Variants in NEK1 observed in about 807,000 individuals in gnomAD.
The protein encoded by NEK1 is NIMA related kinase 1.
Under a neutral mutation model 182.1 loss-of-function variants are expected in NEK1, and 137 were observed. That is an observed-to-expected ratio of 0.75 (90% CI 0.65 to 0.87). The LOEUF (loss-of-function observed/expected upper bound fraction) is 0.87, where lower values mean the gene tolerates loss of function less well. Among genes scored for constraint, NEK1 ranks in the 40% least tolerant of loss-of-function variants. NEK1 has a pLI of 0.00. For missense variants in NEK1, 1,391 were observed against 1,494.4 expected (o/e 0.93, Z 1.14); for synonymous variants, 513 against 492.2 (o/e 1.04, Z -0.56).
chr4:169,438,881 T>G (rs1180875457), intron 27 of NEK1, among the ~76,000 whole-genome samples: 1 of 152,188 alleles, frequency 6.6e-6, no homozygotes, highest in Non-Finnish European at 1.5e-5. Flanking sequence ...TCATCCTATC[T>G]CCAGCACTCC....
intron 27 of NEK1, among the ~76,000 whole-genome samples, chr4:169,442,003 G>C (rs1277328898): frequency 6.6e-6 from 1 of 152,030 alleles, no homozygotes; most frequent in Non-Finnish European, 1.5e-5. Context: ...CTGCACTAAA[G>C]GCCTGGAGAC....
At chr4:169,447,761 C>T (rs546908496) in intron 27 of NEK1, among the ~76,000 whole-genome samples, 21 of 151,760 alleles carry the variant, frequency 1.4e-4, no homozygotes, top group African/African-American at 4.8e-4. Context: ...CCAGACTAGT[C>T]GGGAGGCTGA....
At chr4:169,453,443 A>C (rs540147486) in intron 27 of NEK1, among the ~76,000 whole-genome samples, 18 of 152,358 alleles carry the variant, frequency 1.2e-4, no homozygotes, top group Admixed American at 3.9e-4. Flanking sequence ...GCCCCCCAAA[A>C]TCTGGCCATA....
chr4:169,590,662 C>T, intron 6 of NEK1, 64 bp downstream of exon 6: 2 of 1,256,068 alleles, frequency 1.6e-6, no homozygotes, highest in South Asian at 1.4e-5. Context: ...AAATTTTTGG[C>T]CCAAAACAAT....
At chr4:169,584,235 TA>T (rs11293278) in intron 10 of NEK1, among the ~76,000 whole-genome samples, 4,645 of 152,238 alleles carry the variant, frequency 0.031, 186 homozygotes, top group African/African-American at 0.085. Context: ...CATGAGTCAG[TA>T]ATCTAGTATA....
intron 23 of NEK1, among the ~76,000 whole-genome samples, chr4:169,492,925 C>T (rs1165672897): frequency 6.6e-6 from 1 of 152,132 alleles, no homozygotes; most frequent in African/African-American, 2.4e-5. Context: ...TCGGAACAAA[C>T]GTGGAGAAGG....
chr4:169,461,422 G>C (rs903686189), intron 27 of NEK1, among the ~76,000 whole-genome samples: 1 of 151,956 alleles, frequency 6.6e-6, no homozygotes, highest in Non-Finnish European at 1.5e-5. Context: ...CTCATCTGTG[G>C]TCCCAAAACT....
At chr4:169,493,462 GATAC>G (rs1276601678) in intron 23 of NEK1, among the ~76,000 whole-genome samples, 1 of 152,160 alleles carries the variant, frequency 6.6e-6, no homozygotes, top group Non-Finnish European at 1.5e-5. Context: ...TATCTAAAAT[GATAC>G]ATAAAGAACT....
At chr4:169,574,973 G>T (rs1290316999) in intron 12 of NEK1, among the ~76,000 whole-genome samples, 2 of 152,150 alleles carry the variant, frequency 1.3e-5, no homozygotes, top group Non-Finnish European at 2.9e-5. Flanking sequence ...TTACAGGTTG[G>T]TGCAAAAGTA....
At chr4:169,426,929 A>G (rs1178702294) in intron 29 of NEK1, among the ~76,000 whole-genome samples, 1 of 152,158 alleles carries the variant, frequency 6.6e-6, no homozygotes, top group Non-Finnish European at 1.5e-5. Flanking sequence ...TTGAGGAAAA[A>G]AAAATAAAAA....
At chr4:169,531,246 A>G (rs1392152371) in intron 19 of NEK1, among the ~76,000 whole-genome samples, 1 of 152,090 alleles carries the variant, frequency 6.6e-6, no homozygotes, top group Non-Finnish European at 1.5e-5. Flanking sequence ...AAAATAGTCT[A>G]TTATATTTGG....
intron 31 of NEK1, among the ~76,000 whole-genome samples, chr4:169,407,184 G>A (rs892532038): frequency 2.6e-5 from 4 of 152,096 alleles, no homozygotes; most frequent in Admixed American, 2.0e-4. Flanking sequence ...CATTTGTTCC[G>A]CTTTCACGGT....
chr4:169,465,022 T>C (rs545369681), intron 26 of NEK1, among the ~76,000 whole-genome samples: 1 of 152,268 alleles, frequency 6.6e-6, no homozygotes, highest in Admixed American at 6.5e-5. Flanking sequence ...TTATGTATTA[T>C]GAGGCATAAG....
At position 169,438,190 on chromosome 4, in the gene NEK1, T is replaced by C. The variant is rs1738778463; in HGVS notation, c.2657A>G (p.His886Arg). The change falls in exon 28 of 36, where the codon CAT becomes CGT. Residue 886 changes from histidine to arginine, a missense_variant. Around this residue, in one of 5 missense-constraint regions of NEK1, gnomAD observed 1,216 missense variants for 1,277.6 expected, o/e 0.95. Transcript: ENST00000507142. Reference sequence around the variant, plus strand: ...AACAATAGCTGATGGGTTTATTTCATGTGAAATACATTGTACTTTTTTTTC... The same window carrying C: ...AACAATAGCTGATGGGTTTATTTCACGTGAAATACATTGTACTTTTTTTTC... The part of the protein sequence containing the change: ...TGEKKVQCIS[H>R]EINPSAIVDS... The C allele has an allele frequency of 1.3e-6, 2 of 1,592,970 alleles. No homozygotes were observed. The highest frequency in any genetic ancestry group is 1.7e-6 in the Non-Finnish European group (2 of 1,167,876).
chr4:169,467,168 C>A (rs1203080978), intron 26 of NEK1, among the ~76,000 whole-genome samples: 1 of 151,968 alleles, frequency 6.6e-6, no homozygotes, highest in Non-Finnish European at 1.5e-5. Context: ...GTATATAATA[C>A]GTATAACATG....
Position 169,509,511 on chromosome 4 carries a change from A to AT in NEK1, c.1666-660dup, listed in dbSNP as rs371890560. 4.0e-3 allele frequency among the ~76,000 whole-genome samples: 608 copies of AT among 151,738 alleles called. 5 individuals are homozygous for AT. The highest frequency in any genetic ancestry group is 0.03 in the South Asian group (145 of 4,796). ...CTTTTTATTGGCTTATTGAATGTGT[A>AT]TTTTTTTTATTCATCATCTCAATTT... On this transcript the variant is annotated intron_variant, in intron 19 of 35. Transcript: ENST00000507142.
chr4:169,603,382 G>A (rs896123028), intron 2 of NEK1, among the ~76,000 whole-genome samples: 2 of 152,122 alleles, frequency 1.3e-5, no homozygotes, highest in African/African-American at 2.4e-5. Flanking sequence ...GCAATAAAGG[G>A]TAGTAGTTAA....
intron 32 of NEK1, 63 bp from the exon 33 acceptor site, chr4:169,401,923 T>G: frequency 4.4e-6 from 6 of 1,359,176 alleles, no homozygotes; most frequent in Non-Finnish European, 6.0e-6. Flanking sequence ...GTTAAACAAC[T>G]AAAACTACCT....
chr4:169,492,401 G>A (rs892458849), intron 23 of NEK1, among the ~76,000 whole-genome samples: 22 of 152,210 alleles, frequency 1.4e-4, no homozygotes, highest in African/African-American at 5.1e-4. Context: ...CTGGTTGATA[G>A]CGACCGCTGA....
Sources: allele counts gnomAD v4.1 joint callset (sites outside exome capture counted in the v4.1 genomes callset), GRCh38; gene constraint gnomAD v4.1.1; regional missense constraint gnomAD v4.1.1; transcripts MANE v1.5; gene names NCBI Gene and HGNC (gene_info 2026-07-23, HGNC 2026-07-21).